ZNF728: variants seen among roughly 807,000 people sequenced by gnomAD.
ZNF728 encodes the protein zinc finger protein 728.
A neutral mutation model predicts 12.5 loss-of-function variants in ZNF728; 12 were observed. The observed-to-expected ratio is 0.96, with a 90% CI of 0.61 to 1.55. The LOEUF (loss-of-function observed/expected upper bound fraction) is 1.55, where lower values mean the gene tolerates loss of function less well. Ranked by LOEUF, ZNF728 falls within the 40% of genes most tolerant of loss-of-function variation. ZNF728 has a pLI of 0.00. For synonymous variants in ZNF728, 205 were observed against 240.7 expected (o/e 0.85, Z 1.37); for missense variants, 692 against 719.2 (o/e 0.96, Z 0.43).
At chr19:22,981,845 A>G (rs1414936085) in intron 3 of ZNF728, among the ~76,000 whole-genome samples, 1 of 152,062 alleles carries the variant, frequency 6.6e-6, no homozygotes, top group Non-Finnish European at 1.5e-5. Context: ...CATGCTAAAA[A>G]CTCTCAATAA....
chr19:22,990,396 C>T (rs1968974224), intron 1 of ZNF728, among the ~76,000 whole-genome samples: 1 of 152,196 alleles, frequency 6.6e-6, no homozygotes, highest in Non-Finnish European at 1.5e-5. Context: ...TACCTGCTGT[C>T]ACCACATCCA....
chr19:22,985,666 C>T (rs569132157), intron 3 of ZNF728: 2 of 152,370 alleles, frequency 1.3e-5, no homozygotes, highest in South Asian at 2.1e-4. Flanking sequence ...CTGTAATCAT[C>T]CCAAACTCCT....
At chr19:22,994,896 C>G (rs954226768) in intron 1 of ZNF728, 1 of 152,554 alleles carries the variant, frequency 6.6e-6, no homozygotes, top group African/African-American at 2.4e-5. Flanking sequence ...GCACAGCCCA[C>G]AGCACAGGGC....
intron 1 of ZNF728, among the ~76,000 whole-genome samples, chr19:23,000,393 C>CAA (rs770794743): frequency 1.5e-5 from 2 of 132,518 alleles, no homozygotes; most frequent in Non-Finnish European, 3.3e-5. Flanking sequence ...AACAAAAAAA[C>CAA]AAAAAAAAAA....
chr19:23,000,908 G>A (rs890265672), intron 1 of ZNF728, among the ~76,000 whole-genome samples: 8 of 147,180 alleles, frequency 5.4e-5, no homozygotes, highest in Non-Finnish European at 1.2e-4. Flanking sequence ...AAACCCTGAG[G>A]TCAAAATAAG....
In ZNF728 at chr19:22,976,670, T is replaced by A; in HGVS notation, c.667A>T (p.Thr223Ser). Residue 223 changes from threonine (T) to serine (S), a missense_variant, in exon 4 of 4, where the codon ACT (threonine) becomes TCT (serine). By Grantham distance (58) the Thr-to-Ser change is moderately conservative. Coordinates refer to ENST00000594710, the MANE Select transcript of ZNF728 (RefSeq NM_001267716.2). ...TCACATTTGCAGGGTTTCTCTCCAG[T>A]ATGAATTCTCTTATAAGTAAGGGCT... ...SSALTYKRIHTGEKPCKCEEC... is the reference protein window; with the variant it reads ...SSALTYKRIHSGEKPCKCEEC... 1 of 1,613,188 alleles carries A rather than the reference T, an allele frequency of 6.2e-7. No individual in the cohort carries two copies. The highest frequency in any genetic ancestry group is 8.5e-7 in the Non-Finnish European group (1 of 1,179,814).
chr19:22,993,240 T>A (rs1261286951), intron 1 of ZNF728, among the ~76,000 whole-genome samples: 1 of 152,244 alleles, frequency 6.6e-6, no homozygotes, highest in African/African-American at 2.4e-5. Context: ...TCTATGTTGA[T>A]ATCTCACAAT....
At chr19:22,980,936 T>C (rs1446977710) in intron 3 of ZNF728, among the ~76,000 whole-genome samples, 1 of 151,632 alleles carries the variant, frequency 6.6e-6, no homozygotes, top group Non-Finnish European at 1.5e-5. Context: ...AGATCTAAAA[T>C]AGACATGCTA....
intron 1 of ZNF728, among the ~76,000 whole-genome samples, chr19:22,989,525 A>G (rs1220403611): frequency 6.6e-6 from 1 of 152,210 alleles, no homozygotes; most frequent in Non-Finnish European, 1.5e-5. Context: ...TAGTGAAAAA[A>G]TGTGTCGGAG....
At chr19:22,987,618 G>A (rs544470050) in intron 2 of ZNF728, among the ~76,000 whole-genome samples, 1 of 152,156 alleles carries the variant, frequency 6.6e-6, no homozygotes, top group East Asian at 1.9e-4. Context: ...AATTGGTGGT[G>A]GAAATTAGAT....
At chr19:22,991,210 CAT>C (rs1434098596) in intron 1 of ZNF728, among the ~76,000 whole-genome samples, 3 of 152,340 alleles carry the variant, frequency 2.0e-5, no homozygotes, top group Non-Finnish European at 2.9e-5. Flanking sequence ...TGGAAAACAA[CAT>C]GTGCACATGT....
At position 22,975,580 on chromosome 19, in the gene ZNF728, T is replaced by C. The variant is rs776874794; in HGVS notation, c.1757A>G (p.His586Arg). Residue 586 changes from histidine to arginine, a missense_variant, in exon 4 of 4, where the codon CAT (histidine) becomes CGT (arginine). His to Arg is a conservative substitution (Grantham distance 29). Around this residue, in one of 3 missense-constraint regions of ZNF728, gnomAD observed 244 missense variants for 235.2 expected, o/e 1.04. Coordinates refer to ENST00000594710, the MANE Select transcript of ZNF728 (RefSeq NM_001267716.2). Reference sequence around the variant, plus strand: ...ACATTTGTAGAATTTCTTTCCAGCATGAATTTTCTTATGTTTGTTAAGGAC... The same window carrying C: ...ACATTTGTAGAATTTCTTTCCAGCACGAATTTTCTTATGTTTGTTAAGGAC... ...VSVLNKHKKIHAGKKFYKCEE... is the reference protein window; with the variant it reads ...VSVLNKHKKIRAGKKFYKCEE... The C allele has an allele frequency of 1.9e-6, 3 of 1,602,456 alleles. No individual in the cohort carries two copies. Among genetic ancestry groups the C allele is most frequent in the African/African-American group, 1.3e-5 (1 of 74,464 alleles).
At chr19:22,984,809 CAAT>C (rs1463886034) in intron 3 of ZNF728, among the ~76,000 whole-genome samples, 1 of 151,616 alleles carries the variant, frequency 6.6e-6, no homozygotes, top group Non-Finnish European at 1.5e-5. Flanking sequence ...TTTCAAAAGA[CAAT>C]AAAGTTCCCA....
At chr19:22,995,698 A>G (rs1443645040) in intron 1 of ZNF728, 1 of 152,204 alleles carries the variant, frequency 6.6e-6, no homozygotes, top group Non-Finnish European at 1.5e-5. Context: ...TGGCCTCCCA[A>G]AATCCTGGGA....
chr19:23,002,108 G>C (rs1229144822), intron 1 of ZNF728, among the ~76,000 whole-genome samples: 1 of 152,202 alleles, frequency 6.6e-6, no homozygotes. Flanking sequence ...TTGAAATCAG[G>C]AGTTCAAGAC....
chr19:22,982,617 C>T (rs1238207595), intron 3 of ZNF728, among the ~76,000 whole-genome samples: 1 of 152,046 alleles, frequency 6.6e-6, no homozygotes, highest in Non-Finnish European at 1.5e-5. Flanking sequence ...AACTACACTA[C>T]AAGGCTACAG....
intron 1 of ZNF728, among the ~76,000 whole-genome samples, chr19:22,998,354 T>TAAAA (rs35334611): frequency 7.2e-6 from 1 of 138,082 alleles, no homozygotes; most frequent in Admixed American, 7.4e-5. Flanking sequence ...ATCCCATCTA[T>TAAAA]AAAAAAAAAA....
intron 1 of ZNF728, among the ~76,000 whole-genome samples, chr19:23,001,407 T>C (rs1371837866): frequency 6.6e-6 from 1 of 152,210 alleles, no homozygotes; most frequent in Non-Finnish European, 1.5e-5. Context: ...AAGCTACGCT[T>C]CATATCTCAG....
chr19:23,001,491 G>A (rs1599535720), intron 1 of ZNF728, among the ~76,000 whole-genome samples: 1 of 152,158 alleles, frequency 6.6e-6, no homozygotes, highest in East Asian at 1.9e-4. Flanking sequence ...CCCAGGAGCT[G>A]ATATTCACTA....
Sources: allele counts gnomAD v4.1 joint callset (sites outside exome capture counted in the v4.1 genomes callset), GRCh38; gene constraint gnomAD v4.1.1; regional missense constraint gnomAD v4.1.1; transcripts MANE v1.5; gene names NCBI Gene and HGNC (gene_info 2026-07-23, HGNC 2026-07-21).